ZPBP: variants seen among roughly 807,000 people sequenced by gnomAD.
ZPBP encodes zona pellucida-binding protein 1.
In ZPBP, 26 loss-of-function variants were observed where a neutral mutation model predicts 44.8. The observed-to-expected ratio is 0.58, with a 90% CI of 0.43 to 0.81. ZPBP has a LOEUF of 0.81. Ranked by LOEUF, ZPBP falls within the 30% of genes least tolerant of loss-of-function variation. The probability of loss-of-function intolerance (pLI) is 0.00; values close to 1 mark genes in which losing one functional copy is unlikely to be tolerated. For missense variants in ZPBP, 409 were observed against 434.0 expected, an observed-to-expected ratio of 0.94 and a Z score of 0.51; for synonymous variants, 174 against 153.2, an observed-to-expected ratio of 1.14 and a Z score of -1.00.
At chr7:49,876,454 T>C (rs73111329) in intron 2 of ZPBP, among the ~76,000 whole-genome samples, 4,549 of 152,230 alleles carry the variant, frequency 0.03, 104 homozygotes, top group Non-Finnish European at 0.046. Flanking sequence ...TTGAAAATAA[T>C]TAACTGTATG....
At chr7:50,055,118 T>A (rs1800870842) in intron 4 of ZPBP, among the ~76,000 whole-genome samples, 1 of 152,170 alleles carries the variant, frequency 6.6e-6, no homozygotes, top group African/African-American at 2.4e-5. Context: ...TCTGAAAGAC[T>A]AACAACTTAT....
At chr7:49,889,531 G>A (rs1404545116) in intron 2 of ZPBP, among the ~76,000 whole-genome samples, 4 of 152,098 alleles carry the variant, frequency 2.6e-5, no homozygotes, top group Admixed American at 1.3e-4. Flanking sequence ...AAGGAGTCCC[G>A]GGAGCTAGAC....
chr7:49,965,485 A>G (rs1796022648), intron 7 of ZPBP, among the ~76,000 whole-genome samples: 1 of 152,134 alleles, frequency 6.6e-6, no homozygotes, highest in Non-Finnish European at 1.5e-5. Context: ...ACTCTTCAAT[A>G]GCAGAGCTAC....
intron 3 of ZPBP, among the ~76,000 whole-genome samples, chr7:50,078,557 C>T (rs1802213849): frequency 6.6e-6 from 1 of 150,434 alleles, no homozygotes. Flanking sequence ...AAATAATATT[C>T]TTAAGAAAAA....
intron 6 of ZPBP, among the ~76,000 whole-genome samples, chr7:50,008,017 AAC>A (rs985354569): frequency 9.2e-5 from 14 of 151,976 alleles, no homozygotes; most frequent in African/African-American, 3.4e-4. Context: ...TACTCCTAGG[AAC>A]AGCAATTAGG....
chr7:49,924,471 T>G lies in ZPBP; in HGVS notation n.411+11280A>C, dbSNP rs553943456. On this transcript the variant is annotated intron_variant and non_coding_transcript_variant, in intron 1 of 2. Coordinates refer to the ZPBP transcript ENST00000465922. The stretch of plus-strand genomic sequence containing the variant: ...GAATTATAAATCCTGATAATTCAAT[T>G]AAACTATAACTCAACAAGAAAAACT... Among the ~76,000 whole-genome samples the G allele has an allele frequency of 9.8e-5, 15 of 152,302 alleles. 1 individual carries two copies. In the South Asian group the frequency reaches 3.1e-3, roughly 32 times the overall value.
chr7:50,059,140 T>C (rs1426894221), intron 3 of ZPBP, among the ~76,000 whole-genome samples: 6 of 152,250 alleles, frequency 3.9e-5, no homozygotes, highest in Non-Finnish European at 7.3e-5. Context: ...TTCCATTCAT[T>C]AGAACTGAAA....
intron 6 of ZPBP, among the ~76,000 whole-genome samples, chr7:49,992,059 A>G (rs1367598414): frequency 2.0e-5 from 3 of 152,152 alleles, no homozygotes; most frequent in African/African-American, 7.2e-5. Context: ...AAAGAAAATA[A>G]ATTTGATTAC....
intron 4 of ZPBP, among the ~76,000 whole-genome samples, chr7:50,048,571 A>G (rs1331761198): frequency 6.6e-6 from 1 of 152,086 alleles, no homozygotes; most frequent in African/African-American, 2.4e-5. Flanking sequence ...AAATTAACAG[A>G]CTCCTAAATA....
chr7:49,918,123 T>C (rs556391939), intron 1 of ZPBP: 13 of 152,334 alleles, frequency 8.5e-5, no homozygotes, highest in African/African-American at 2.2e-4. Flanking sequence ...CCTTCACTTA[T>C]TATCACATTT....
intron 1 of ZPBP, among the ~76,000 whole-genome samples, chr7:49,904,380 C>T (rs372726090): frequency 1.3e-5 from 2 of 152,290 alleles, no homozygotes; most frequent in South Asian, 2.1e-4. Context: ...CTCCTACTCC[C>T]TTTGCAACTT....
chr7:49,880,643 G>A (rs1194771178), intron 2 of ZPBP, among the ~76,000 whole-genome samples: 1 of 151,436 alleles, frequency 6.6e-6, no homozygotes, highest in Non-Finnish European at 1.5e-5. Flanking sequence ...GAGAACACTT[G>A]GACACAGGGT....
At chr7:49,897,064 T>A (rs1488794056) in intron 2 of ZPBP, among the ~76,000 whole-genome samples, 1 of 151,818 alleles carries the variant, frequency 6.6e-6, no homozygotes, top group African/African-American at 2.4e-5. Context: ...CCCGGCTAAT[T>A]TTTTGTATTT....
In ZPBP at chr7:50,031,074, C is replaced by A; in HGVS notation, c.706+18G>T. On this transcript the variant is annotated intron_variant, in intron 5 of 7. Coordinates refer to ENST00000046087, the MANE Select transcript of ZPBP (RefSeq NM_007009.3). ...ATGTGTTCTCCATTTGCTTTTCTAA[C>A]AAATTGTATAGACTTACCTGAAAAT... is the stretch of plus-strand genomic sequence containing the variant. 2 of 1,610,568 alleles carry A rather than the reference C, an allele frequency of 1.2e-6. No homozygotes were observed. Among genetic ancestry groups the A allele is most frequent in the Non-Finnish European group, 1.7e-6 (2 of 1,177,872 alleles).
chr7:49,932,912 C>T (rs1794496003), downstream of ZPBP, among the ~76,000 whole-genome samples: 1 of 152,120 alleles, frequency 6.6e-6, no homozygotes, highest in Admixed American at 6.5e-5. Context: ...GTTCTCTTGC[C>T]TGCCACCATG....
chr7:49,911,576 T>C (rs1207443386), intron 1 of ZPBP, among the ~76,000 whole-genome samples: 1 of 151,724 alleles, frequency 6.6e-6, no homozygotes, highest in African/African-American at 2.4e-5. Flanking sequence ...ACTTTGCCAC[T>C]GTCCTTCATA....
the ZPBP span, among the ~76,000 whole-genome samples, chr7:49,845,293 GA>G: frequency 1.7e-4 from 25 of 145,484 alleles, no homozygotes; most frequent in Non-Finnish European, 2.6e-4. Context: ...AAAGTCGAAG[GA>G]AAAAAAAAAG....
chr7:49,976,671 T>C (rs1412332829), intron 7 of ZPBP, among the ~76,000 whole-genome samples: 1 of 152,206 alleles, frequency 6.6e-6, no homozygotes, highest in Admixed American at 6.5e-5. Flanking sequence ...AGCTACTTCA[T>C]CATGGCCGGG....
intron 3 of ZPBP, among the ~76,000 whole-genome samples, chr7:50,067,446 G>A (rs928369689): frequency 2.6e-5 from 4 of 152,154 alleles, no homozygotes; most frequent in African/African-American, 9.7e-5. Flanking sequence ...TAGCCAAAGA[G>A]TTCTTGTCAG....
Sources: allele counts gnomAD v4.1 joint callset (sites outside exome capture counted in the v4.1 genomes callset), GRCh38; gene constraint gnomAD v4.1.1; transcripts MANE v1.5; gene names NCBI Gene and HGNC (gene_info 2026-07-23, HGNC 2026-07-21).